Variants in KCNIP4 observed in about 807,000 individuals in gnomAD.
KCNIP4 encodes the protein potassium voltage-gated channel interacting protein 4.
A neutral mutation model predicts 34.0 loss-of-function variants in KCNIP4; 12 were observed. The ratio of observed to expected loss-of-function variants is 0.35; its 90% CI spans 0.23 to 0.57. KCNIP4 has a LOEUF of 0.57. Among genes scored for constraint, KCNIP4 ranks in the 20% least tolerant of loss-of-function variants. The probability of loss-of-function intolerance (pLI) is 0.83; values close to 1 mark genes in which losing one functional copy is unlikely to be tolerated. For synonymous variants in KCNIP4, 124 were observed against 102.2 expected, an observed-to-expected ratio of 1.21 and a Z score of -1.29; for missense variants, 238 against 311.7, an observed-to-expected ratio of 0.76 and a Z score of 1.78.
intron 1 of KCNIP4, among the ~76,000 whole-genome samples, chr4:21,659,400 G>A (rs143848842): frequency 1.6e-4 from 25 of 152,178 alleles, no homozygotes; most frequent in African/African-American, 5.5e-4. Context: ...TTCAAGTGCA[G>A]TTCTGATTAT....
intron 1 of KCNIP4, among the ~76,000 whole-genome samples, chr4:21,791,016 AT>A (rs1439915743): frequency 6.8e-6 from 1 of 147,190 alleles, no homozygotes; most frequent in Non-Finnish European, 1.5e-5. Context: ...GGAATACATC[AT>A]TTTACAAAGA....
At chr4:20,795,253 G>A (rs1040308693) in intron 3 of KCNIP4, among the ~76,000 whole-genome samples, 1 of 152,062 alleles carries the variant, frequency 6.6e-6, no homozygotes, top group Non-Finnish European at 1.5e-5. Flanking sequence ...GATCTTCTTA[G>A]GTATGTGATC....
At chr4:21,014,308 G>A (rs1171459095) in intron 1 of KCNIP4, among the ~76,000 whole-genome samples, 1 of 152,004 alleles carries the variant, frequency 6.6e-6, no homozygotes, top group Non-Finnish European at 1.5e-5. Context: ...TCCCCTCAAA[G>A]CCCATCATAT....
intron 3 of KCNIP4, among the ~76,000 whole-genome samples, chr4:20,804,564 C>A (rs1361983058): frequency 8.3e-6 from 1 of 120,840 alleles, no homozygotes; most frequent in East Asian, 3.5e-4. Flanking sequence ...TTTTTCTCCT[C>A]CTTCTCAAAA....
At chr4:21,696,106 G>A (rs531367229) in intron 1 of KCNIP4, among the ~76,000 whole-genome samples, 110 of 152,040 alleles carry the variant, frequency 7.2e-4, no homozygotes, top group African/African-American at 2.5e-3. Flanking sequence ...ATTAAAATGC[G>A]GATATTAACA....
intron 1 of KCNIP4, among the ~76,000 whole-genome samples, chr4:21,242,689 G>T (rs1027061616): frequency 6.6e-6 from 1 of 152,192 alleles, no homozygotes; most frequent in Admixed American, 6.5e-5. Context: ...TTCTTTCACT[G>T]ACAATGGACT....
intron 1 of KCNIP4, among the ~76,000 whole-genome samples, chr4:21,070,593 A>G (rs777912690): frequency 6.8e-6 from 1 of 146,698 alleles, no homozygotes; most frequent in Non-Finnish European, 1.5e-5. Context: ...TTTCTTTATG[A>G]TTAAGTATGT....
intron 1 of KCNIP4, among the ~76,000 whole-genome samples, chr4:20,990,430 G>A (rs1035484661): frequency 1.3e-5 from 2 of 152,174 alleles, no homozygotes; most frequent in Non-Finnish European, 2.9e-5. Flanking sequence ...AAGTACCACA[G>A]CCTTCTGTTT....
chr4:21,738,910 G>C (rs1166924369), intron 1 of KCNIP4, among the ~76,000 whole-genome samples: 4 of 152,132 alleles, frequency 2.6e-5, no homozygotes, highest in Admixed American at 2.0e-4. Flanking sequence ...TTGGAGAATA[G>C]AAATTGTGGT....
chr4:21,757,165 A>AGG (rs1717637528), intron 1 of KCNIP4, among the ~76,000 whole-genome samples: 2 of 31,508 alleles, frequency 6.3e-5, no homozygotes, highest in African/African-American at 3.6e-4. Flanking sequence ...GAAAGAAAGA[A>AGG]AGAAGGAAGG....
intron 1 of KCNIP4, among the ~76,000 whole-genome samples, chr4:21,612,475 C>T (rs534934643): frequency 2.0e-5 from 3 of 152,264 alleles, no homozygotes; most frequent in South Asian, 4.1e-4. Flanking sequence ...GGGGCTGAAC[C>T]CTCAAGTCAT....
intron 1 of KCNIP4, among the ~76,000 whole-genome samples, chr4:21,829,433 G>T (rs1722850761): frequency 6.6e-6 from 1 of 151,820 alleles, no homozygotes; most frequent in South Asian, 2.1e-4. Context: ...TAAATGGTAA[G>T]GTATAAGGGT....
At chr4:21,236,791 C>A (rs1162911766) in intron 1 of KCNIP4, among the ~76,000 whole-genome samples, 1 of 151,052 alleles carries the variant, frequency 6.6e-6, no homozygotes, top group Admixed American at 6.6e-5. Flanking sequence ...GGGTGGATCA[C>A]AAGGTCAGGA....
In KCNIP4 at chr4:21,305,708, C is replaced by T. The variant is rs1712388578; in HGVS notation, c.62-422999G>A. 1.3e-5 allele frequency among the ~76,000 whole-genome samples: 2 copies of T among 152,358 alleles called. 1 individual carries two copies. Among genetic ancestry groups the T allele is most frequent in the Admixed American group, 1.3e-4 (2 of 15,312 alleles). On this transcript the variant is annotated intron_variant, in intron 1 of 8. Coordinates refer to ENST00000382152, the MANE Select transcript of KCNIP4 (RefSeq NM_025221.6). ...ACTCCTGTCGATACACTCTACCTGACAGCTCAGCTTCCTTCACCCAAACTC... is the reference window on the plus strand; with the variant it reads ...ACTCCTGTCGATACACTCTACCTGATAGCTCAGCTTCCTTCACCCAAACTC...
At position 21,566,099 on chromosome 4, in the gene KCNIP4, G is replaced by A. The variant is rs574769079; in HGVS notation, c.61+382472C>T. 1.8e-4 allele frequency among the ~76,000 whole-genome samples: 27 copies of A among 152,304 alleles called. No individual in the cohort carries two copies. The South Asian group carries it at 5.6e-3, about 32-fold the overall frequency. ...ATACAGGAACAGGTAAAGAAACACA[G>A]TCAATGTCACTGAGAACTGGATTGT... is the stretch of plus-strand genomic sequence containing the variant. On this transcript the variant is annotated intron_variant, in intron 1 of 8. Transcript: ENST00000382152.
chr4:20,994,739 T>C (rs1409956994), intron 1 of KCNIP4, among the ~76,000 whole-genome samples: 1 of 152,172 alleles, frequency 6.6e-6, no homozygotes, highest in Admixed American at 6.5e-5. Context: ...CATTCGCATG[T>C]TATCAGTCCC....
intron 1 of KCNIP4, among the ~76,000 whole-genome samples, chr4:21,463,578 C>T (rs1048020368): frequency 7.9e-5 from 12 of 151,918 alleles, no homozygotes; most frequent in Non-Finnish European, 1.3e-4. Context: ...AGCATGTATT[C>T]GTACTTTATT....
intron 1 of KCNIP4, among the ~76,000 whole-genome samples, chr4:21,443,987 C>A (rs1014560721): frequency 6.6e-6 from 1 of 152,106 alleles, no homozygotes; most frequent in Non-Finnish European, 1.5e-5. Context: ...TCAGAGAATA[C>A]TATAAACACC....
At chr4:21,714,889 ATTT>A (rs1210958062) in intron 1 of KCNIP4, among the ~76,000 whole-genome samples, 1 of 392 alleles carries the variant, frequency 2.6e-3, no homozygotes, top group Non-Finnish European at 3.6e-3. Flanking sequence ...ATTTTATTTT[ATTT>A]TATTTTATTT....
Sources: gnomAD v4.1 joint callset for allele counts (sites outside exome capture counted in the v4.1 genomes callset) on GRCh38, gnomAD v4.1.1 for gene constraint, MANE v1.5 for transcripts, NCBI Gene and HGNC (gene_info 2026-07-23, HGNC 2026-07-21) for gene names.